The following FAM222B variants were observed in gnomAD, a reference collection of about 807,000 sequenced individuals.
The protein encoded by FAM222B is family with sequence similarity 222 member B, also known as protein FAM222B.
FAM222B carries 12 observed loss-of-function variants against 38.0 expected under a neutral mutation model. That is an observed-to-expected ratio of 0.32 (90% CI 0.20 to 0.51). FAM222B has a LOEUF of 0.51. Ranked by LOEUF, FAM222B falls within the 20% of genes least tolerant of loss-of-function variation. The pLI is 0.97. For synonymous variants in FAM222B, 329 were observed against 317.2 expected, an observed-to-expected ratio of 1.04 and a Z score of -0.40; for missense variants, 716 against 754.2, an observed-to-expected ratio of 0.95 and a Z score of 0.59.
chr17:28,822,732 G>C (rs1490612693), intron 1 of FAM222B, among the ~76,000 whole-genome samples: 1 of 142,270 alleles, frequency 7.0e-6, no homozygotes, highest in Non-Finnish European at 1.5e-5. Context: ...AAACCCAGGA[G>C]GTGGAGATTG....
At chr17:28,772,573 C>CAAAAAAAAAAAAAAA (rs111471814) in intron 1 of FAM222B, among the ~76,000 whole-genome samples, 2 of 93,050 alleles carry the variant, frequency 2.1e-5, no homozygotes, top group Non-Finnish European at 2.5e-5. Context: ...AAAAAAAATA[C>CAAAAAAAAAAAAAAA]AAAAAAAAAA....
intron 1 of FAM222B, among the ~76,000 whole-genome samples, chr17:28,772,565 A>C (rs1460495087): frequency 1.5e-5 from 2 of 137,316 alleles, no homozygotes; most frequent in African/African-American, 3.2e-5. Flanking sequence ...TCTACTAAAA[A>C]AAAAATACAA....
At chr17:28,815,966 C>CAA (rs1204670643) in intron 1 of FAM222B, among the ~76,000 whole-genome samples, 8 of 74,968 alleles carry the variant, frequency 1.1e-4, no homozygotes, top group African/African-American at 2.0e-4. Flanking sequence ...GACTCCGTCT[C>CAA]AAAAAAAAAA....
At chr17:28,833,499 C>T (rs952898764) in intron 1 of FAM222B, among the ~76,000 whole-genome samples, 2 of 150,292 alleles carry the variant, frequency 1.3e-5, no homozygotes, top group African/African-American at 4.9e-5. Context: ...CGCCTGTAGT[C>T]CCAGCTACTT....
At chr17:28,852,383 G>A (rs1052375815) in intron 1 of FAM222B, among the ~76,000 whole-genome samples, 6 of 151,948 alleles carry the variant, frequency 3.9e-5, no homozygotes, top group Non-Finnish European at 8.8e-5. Context: ...GCCAGGTACA[G>A]TGACTCACGC....
At position 28,809,662 on chromosome 17, in the gene FAM222B, C is replaced by A. The variant is rs530047646; in HGVS notation, c.-41+33020G>T. 1.1e-3 allele frequency among the ~76,000 whole-genome samples: 169 copies of A among 152,146 alleles called. 1 individual carries two copies. Among genetic ancestry groups the A allele is most frequent in the Admixed American group, 2.2e-3 (33 of 15,262 alleles). Reference sequence around the variant, plus strand: ...TGCACCATGCAAAACAGTGATCACACAAATCAGTCAAAAAAATAGAAATAT... The same window carrying A: ...TGCACCATGCAAAACAGTGATCACAAAAATCAGTCAAAAAAATAGAAATAT... On this transcript the variant is annotated intron_variant, in intron 1 of 2. Transcript: ENST00000581407.
chr17:28,817,002 C>T (rs562172799), intron 1 of FAM222B, among the ~76,000 whole-genome samples: 3 of 151,976 alleles, frequency 2.0e-5, no homozygotes, highest in African/African-American at 7.3e-5. Context: ...CAAATATGTA[C>T]TGTATTCCTG....
chr17:28,778,695 G>GTATATATA (rs1567818736), intron 1 of FAM222B, among the ~76,000 whole-genome samples: 2 of 88,160 alleles, frequency 2.3e-5, no homozygotes, highest in South Asian at 4.7e-4. Flanking sequence ...GTGTGTGTGT[G>GTATATATA]TGTATATATA....
chr17:28,837,692 G>A (rs1046270336), intron 1 of FAM222B, among the ~76,000 whole-genome samples: 33 of 147,690 alleles, frequency 2.2e-4, no homozygotes, highest in Admixed American at 3.4e-4. Flanking sequence ...TCGCTGTTTC[G>A]CCCAGGGTGG....
chr17:28,759,958 C>CT lies in FAM222B; in HGVS notation c.83-83dup. On this transcript the variant is annotated intron_variant, in intron 2 of 2. Coordinates refer to ENST00000581407, the MANE Select transcript of FAM222B (RefSeq NM_001077498.3). This position sits in a 1 kb window ranked among gnomAD's most constrained non-coding sequence, Gnocchi z 4.8. ...AGGCAAACAGCCCTTCCAGATTCCC[C>CT]TTTTGAGGGCCTGGGGTGGGGTGGG... The CT allele has an allele frequency of 7.6e-7, 1 of 1,308,872 alleles. No individual in the cohort carries two copies. The highest frequency in any genetic ancestry group is 3.0e-5 in the Admixed American group (1 of 33,066). 81.1% of individuals were successfully genotyped at this position (1,308,872 alleles called of 1,614,324 possible). A position where few individuals can be genotyped will look rare whatever the true frequency, so the allele number is the denominator to read the frequency against.
At chr17:28,845,094 T>G (rs2039135904), upstream of FAM222B, among the ~76,000 whole-genome samples, 1 of 148,848 alleles carries the variant, frequency 6.7e-6, no homozygotes, top group Non-Finnish European at 1.5e-5. Flanking sequence ...AGAGTGAGAC[T>G]CCATCTCAAT....
At chr17:28,825,444 A>C (rs1326685407) in intron 1 of FAM222B, among the ~76,000 whole-genome samples, 1 of 151,470 alleles carries the variant, frequency 6.6e-6, no homozygotes, top group African/African-American at 2.4e-5. Flanking sequence ...AAAAAAAAAA[A>C]AAAAAAAAAA....
Position 28,767,897 on chromosome 17 carries a change from G to C in FAM222B, c.-40-1190C>G, listed in dbSNP as rs553506471. Among the ~76,000 whole-genome samples the C allele has an allele frequency of 9.2e-5, 14 of 152,266 alleles. 1 individual carries two copies. The South Asian group carries it at 1.2e-3, about 14-fold the overall frequency. On this transcript the variant is annotated intron_variant, in intron 1 of 2. Transcript: ENST00000581407. ...TTCCTGACATGCAATTAGACCTCCT[G>C]AACTACCTCTCCCACCCCCTCAAAA...
At chr17:28,827,055 G>A (rs1442021052) in intron 1 of FAM222B, among the ~76,000 whole-genome samples, 1 of 151,986 alleles carries the variant, frequency 6.6e-6, no homozygotes, top group Non-Finnish European at 1.5e-5. Flanking sequence ...GCTGACACGA[G>A]AGGATCATTT....
chr17:28,779,222 G>C (rs1173574172), intron 1 of FAM222B, among the ~76,000 whole-genome samples: 1 of 151,972 alleles, frequency 6.6e-6, no homozygotes, highest in Non-Finnish European at 1.5e-5. Context: ...AGCGAGACAA[G>C]GACACTACAA....
chr17:28,794,623 T>C (rs1206390880), intron 1 of FAM222B, among the ~76,000 whole-genome samples: 1 of 152,188 alleles, frequency 6.6e-6, no homozygotes, highest in Non-Finnish European at 1.5e-5. Context: ...ATATTTTGCT[T>C]GTAAGTCCAC....
At chr17:28,830,990 C>CTT (rs56073818) in intron 1 of FAM222B, among the ~76,000 whole-genome samples, 551 of 117,756 alleles carry the variant, frequency 4.7e-3, no homozygotes, top group African/African-American at 0.015. Flanking sequence ...GTGAATGTTT[C>CTT]TTTTTTTTTT....
chr17:28,762,105 T>C (rs1458258639), intron 2 of FAM222B: 2 of 152,146 alleles, frequency 1.3e-5, no homozygotes, highest in African/African-American at 2.4e-5. Context: ...CTTATCCACA[T>C]TGATTAGTTT....
chr17:28,770,155 C>T (rs145589476), intron 1 of FAM222B, among the ~76,000 whole-genome samples: 1 of 152,280 alleles, frequency 6.6e-6, no homozygotes, highest in East Asian at 1.9e-4. Context: ...CTCCACCCCA[C>T]TAGGATATAA....
Sources: allele counts gnomAD v4.1 joint callset (sites outside exome capture counted in the v4.1 genomes callset), GRCh38; gene constraint gnomAD v4.1.1; non-coding constraint Gnocchi (gnomAD v3.1); transcripts MANE v1.5; gene names NCBI Gene and HGNC (gene_info 2026-07-23, HGNC 2026-07-21).